Variants in MKLN1 observed in about 807,000 individuals in gnomAD.
The protein encoded by MKLN1 is muskelin.
A neutral mutation model predicts 99.0 loss-of-function variants in MKLN1; 18 were observed. The observed-to-expected ratio is 0.18, with a 90% confidence interval of 0.13 to 0.27. The LOEUF is 0.27. Among genes scored for constraint, MKLN1 ranks in the 10% least tolerant of loss-of-function variants. The pLI, the probability that MKLN1 is intolerant of heterozygous loss-of-function variation, is 1.00. For missense variants in MKLN1, 621 were observed against 875.9 expected (o/e 0.71, Z 3.67); for synonymous variants, 288 against 293.2 (o/e 0.98, Z 0.18).
At chr7:131,444,756 GT>G (rs1433608312) in intron 11 of MKLN1, among the ~76,000 whole-genome samples, 13 of 79,264 alleles carry the variant, frequency 1.6e-4, no homozygotes, top group South Asian at 4.3e-4. Flanking sequence ...AGTAGTAGTA[GT>G]AGAAGAAGTA....
intron 1 of MKLN1, among the ~76,000 whole-genome samples, chr7:131,111,877 T>C (rs943453527): frequency 1.3e-5 from 2 of 152,196 alleles, no homozygotes; most frequent in African/African-American, 4.8e-5. Flanking sequence ...GAAGGACAAG[T>C]AATTTTGGGT....
At chr7:131,159,531 GT>G (rs1352862448) in intron 2 of MKLN1, among the ~76,000 whole-genome samples, 2 of 152,134 alleles carry the variant, frequency 1.3e-5, no homozygotes, top group African/African-American at 4.8e-5. Context: ...TCTCATGGAG[GT>G]GGAGAGTAGG....
At chr7:131,383,492 G>A (rs1793912697) in intron 2 of MKLN1, among the ~76,000 whole-genome samples, 2 of 152,088 alleles carry the variant, frequency 1.3e-5, no homozygotes, top group East Asian at 3.9e-4. Flanking sequence ...AATGAATCCA[G>A]CAGCTACCAA....
At chr7:131,155,286 C>A (rs748088433) in intron 2 of MKLN1, among the ~76,000 whole-genome samples, 1 of 152,070 alleles carries the variant, frequency 6.6e-6, no homozygotes, top group Non-Finnish European at 1.5e-5. Flanking sequence ...GCATTTGAAA[C>A]GAAGGAGGAA....
chr7:131,122,894 G>A (rs944056432), intron 1 of MKLN1, among the ~76,000 whole-genome samples: 2 of 151,898 alleles, frequency 1.3e-5, no homozygotes, highest in Non-Finnish European at 2.9e-5. Context: ...GTGGTGGCCC[G>A]CGCCTGTAGT....
intron 3 of MKLN1, among the ~76,000 whole-genome samples, chr7:131,263,825 C>T (rs1755432625): frequency 6.6e-6 from 1 of 152,064 alleles, no homozygotes; most frequent in Admixed American, 6.6e-5. Flanking sequence ...CTGCCTTGGC[C>T]TCTCAAAGTG....
intron 3 of MKLN1, among the ~76,000 whole-genome samples, chr7:131,249,087 CAT>C (rs1797538955): frequency 1.3e-5 from 2 of 152,184 alleles, no homozygotes; most frequent in South Asian, 4.1e-4. Context: ...CTAAGGAAAA[CAT>C]AGCCTGAGTG....
intron 8 of MKLN1, among the ~76,000 whole-genome samples, chr7:131,418,405 A>T (rs925074038): frequency 6.6e-6 from 1 of 151,162 alleles, no homozygotes; most frequent in Non-Finnish European, 1.5e-5. Flanking sequence ...GAGATAAATC[A>T]GGGGTGTTCA....
At chr7:131,227,537 C>CTTTCTTTCTT (rs1387124487) in intron 3 of MKLN1, among the ~76,000 whole-genome samples, 3 of 132,168 alleles carry the variant, frequency 2.3e-5, no homozygotes, top group African/African-American at 5.6e-5. Context: ...TTCTTTCTTT[C>CTTTCTTTCTT]TCTCTTTCTT....
intron 16 of MKLN1, chr7:131,471,148 C>T (rs1262856017): frequency 1.1e-5 from 5 of 463,656 alleles, no homozygotes; most frequent in Non-Finnish European, 1.9e-5. Flanking sequence ...CACCAAAAAC[C>T]CTTGGTCCAT....
chr7:131,252,837 C>T (rs1240528028), intron 3 of MKLN1, among the ~76,000 whole-genome samples: 1 of 152,118 alleles, frequency 6.6e-6, no homozygotes, highest in Non-Finnish European at 1.5e-5. Flanking sequence ...GAGCCTCTTA[C>T]CAAGTTTTTA....
At chr7:131,299,973 T>C in intron 3 of MKLN1, among the ~76,000 whole-genome samples, 1 of 152,214 alleles carries the variant, frequency 6.6e-6, no homozygotes, top group East Asian at 1.9e-4. Flanking sequence ...GTGGCAAAGT[T>C]ATCTCGGGGT....
chr7:131,155,082 A>T (rs1344271566), intron 2 of MKLN1, among the ~76,000 whole-genome samples: 2 of 152,228 alleles, frequency 1.3e-5, no homozygotes, highest in African/African-American at 2.4e-5. Flanking sequence ...AGAGAAATTT[A>T]AAAAATCAAT....
chr7:131,130,588 A>G (rs1463941993), intron 1 of MKLN1, among the ~76,000 whole-genome samples: 2 of 152,234 alleles, frequency 1.3e-5, no homozygotes, highest in Non-Finnish European at 2.9e-5. Flanking sequence ...AATACGTAAG[A>G]AGATGACAGA....
At chr7:131,301,496 G>A (rs1310594319) in intron 3 of MKLN1, among the ~76,000 whole-genome samples, 4 of 152,180 alleles carry the variant, frequency 2.6e-5, no homozygotes, top group Non-Finnish European at 5.9e-5. Context: ...GAGAAATACT[G>A]AACTTGATTT....
chr7:131,237,081 G>C (rs892268442), intron 3 of MKLN1, among the ~76,000 whole-genome samples: 1 of 152,110 alleles, frequency 6.6e-6, no homozygotes, highest in Non-Finnish European at 1.5e-5. Context: ...CTTATTTTTT[G>C]CCTATGCCTG....
rs3080645 is a variant in MKLN1, at chr7:131,478,595, CTTTTTT to C, written c.2032-12_2032-7del. 2.5e-4 allele frequency: 311 copies of C among 1,238,424 alleles called. No individual in the cohort carries two copies. The highest frequency in any genetic ancestry group is 2.9e-4 in the Non-Finnish European group (281 of 971,650). 76.7% of individuals were successfully genotyped at this position (1,238,424 alleles called of 1,614,324 possible). A position where few individuals can be genotyped will look rare whatever the true frequency, so the allele number is the denominator to read the frequency against. ...CACTTAGCCAGCTAATTTGCTGCTT[CTTTTTT>C]TTTTTTTTTTTTTTTAAACAGTTTC... On this transcript the variant is annotated intron_variant, in intron 16 of 17. Transcript: ENST00000352689.
intron 3 of MKLN1, among the ~76,000 whole-genome samples, chr7:131,214,813 C>A (rs549288987): frequency 2.6e-5 from 4 of 152,274 alleles, no homozygotes; most frequent in African/African-American, 9.6e-5. Context: ...GGAGAACTGA[C>A]ATCTTTATGA....
chr7:131,350,107 C>T (rs963056987), intron 1 of MKLN1, among the ~76,000 whole-genome samples: 4 of 151,820 alleles, frequency 2.6e-5, no homozygotes, highest in African/African-American at 9.7e-5. Context: ...ACCCACCTCT[C>T]TTTCTTCTGG....
Sources: gnomAD v4.1 joint callset for allele counts (sites outside exome capture counted in the v4.1 genomes callset) on GRCh38, gnomAD v4.1.1 for gene constraint, MANE v1.5 for transcripts, NCBI Gene and HGNC (gene_info 2026-07-23, HGNC 2026-07-21) for gene names.